SYNE2: variants seen among roughly 807,000 people sequenced by gnomAD.
The protein encoded by SYNE2 is nesprin-2.
A neutral mutation model predicts 856.3 loss-of-function variants in SYNE2; 431 were observed. The ratio of observed to expected loss-of-function variants is 0.50; its 90% CI spans 0.47 to 0.55. The LOEUF (loss-of-function observed/expected upper bound fraction) is 0.55. Ranked by LOEUF, SYNE2 falls within the 20% of genes least tolerant of loss-of-function variation. SYNE2 has a pLI of 0.00. For synonymous variants in SYNE2, 2,923 were observed against 2,872.3 expected (o/e 1.02, Z -0.56); for missense variants, 8,129 against 8,023.2 (o/e 1.01, Z -0.50).
At chr14:64,043,850 C>T (rs1002044893) in intron 45 of SYNE2, among the ~76,000 whole-genome samples, 21 of 152,360 alleles carry the variant, frequency 1.4e-4, no homozygotes, top group Admixed American at 1.4e-3. Flanking sequence ...AGAGCCCCCA[C>T]ACAGAGTGCC....
intron 96 of SYNE2, among the ~76,000 whole-genome samples, chr14:64,178,379 T>A (rs976127276): frequency 5.9e-5 from 9 of 152,250 alleles, no homozygotes; most frequent in African/African-American, 2.2e-4. Flanking sequence ...GAGGTGTCAG[T>A]AACCCTGGAT....
chr14:63,790,035 A>C (rs915378929), intron 1 of SYNE2, among the ~76,000 whole-genome samples: 1 of 152,186 alleles, frequency 6.6e-6, no homozygotes, highest in Non-Finnish European at 1.5e-5. Context: ...GCTCAAGAGG[A>C]AGTTTAAGTC....
At chr14:63,947,667 C>G (rs2096057750) in intron 6 of SYNE2, among the ~76,000 whole-genome samples, 1 of 152,090 alleles carries the variant, frequency 6.6e-6, no homozygotes, top group Non-Finnish European at 1.5e-5. Context: ...GAAACCCCGT[C>G]TCCACTAAAA....
intron 2 of SYNE2, among the ~76,000 whole-genome samples, chr14:63,934,010 G>A (rs745407044): frequency 1.3e-5 from 2 of 152,170 alleles, no homozygotes; most frequent in Non-Finnish European, 2.9e-5. Flanking sequence ...AAATGGAATG[G>A]CACATATGAA....
intron 1 of SYNE2, among the ~76,000 whole-genome samples, chr14:63,801,456 G>A (rs989600760): frequency 6.6e-6 from 1 of 152,198 alleles, no homozygotes; most frequent in Non-Finnish European, 1.5e-5. Flanking sequence ...CAGATCACCT[G>A]AGGTCGGGAG....
intron 78 of SYNE2, 60 bp from the exon 79 acceptor site, chr14:64,137,727 G>A: frequency 6.4e-7 from 1 of 1,571,372 alleles, no homozygotes; most frequent in Non-Finnish European, 8.7e-7. Context: ...CAGTATTTGT[G>A]AATAGCTTGG....
In SYNE2 at chr14:64,223,261, A is replaced by G; in HGVS notation, c.20263A>G (p.Ile6755Val). 8 of 1,614,188 alleles carry G rather than the reference A, an allele frequency of 5.0e-6. No homozygotes were observed. Among genetic ancestry groups the G allele is most frequent in the Non-Finnish European group, 5.9e-6 (7 of 1,180,022 alleles). The stretch of plus-strand genomic sequence containing the variant: ...ACAGGAGATTTCAAACAGCCTTCTC[A>G]TTAAGGGACATGGAGAAGACTGTAT... ...MLQEISNSLL[I>V]KGHGEDCIEA... Residue 6755 changes from isoleucine to valine, a missense_variant, in exon 113 of 116, where the codon ATT becomes GTT. This residue lies in a region of SYNE2 where 5,410 missense variants were observed against 5,284.8 expected (regional missense o/e 1.02). Transcript: ENST00000555002.
intron 1 of SYNE2, among the ~76,000 whole-genome samples, chr14:63,866,964 A>G (rs928421019): frequency 2.6e-5 from 4 of 152,008 alleles, no homozygotes; most frequent in Admixed American, 1.3e-4. Flanking sequence ...TCCAACAAAA[A>G]AAGAAAAAAT....
chr14:64,131,073 G>A (rs182471931), intron 76 of SYNE2, among the ~76,000 whole-genome samples: 3 of 152,048 alleles, frequency 2.0e-5, no homozygotes, highest in Admixed American at 6.5e-5. Flanking sequence ...TGTGTAGGAC[G>A]GTTCCTACCT....
chr14:63,948,796 A>ATATGTATATGTGTGTGTGTGTG (rs1566884838), intron 6 of SYNE2, among the ~76,000 whole-genome samples: 1 of 83,660 alleles, frequency 1.2e-5, no homozygotes, highest in African/African-American at 6.5e-5. Flanking sequence ...ATATATATAT[A>ATATGTATATGTGTGTGTGTGTG]TATATATATA....
chr14:63,776,571 A>G (rs1230705891), intron 1 of SYNE2, among the ~76,000 whole-genome samples: 3 of 151,682 alleles, frequency 2.0e-5, no homozygotes, highest in Non-Finnish European at 2.9e-5. Flanking sequence ...AGATCACCCA[A>G]GACTGGGAAT....
chr14:64,014,703 G>A (rs747830048), intron 32 of SYNE2, among the ~76,000 whole-genome samples: 9 of 151,996 alleles, frequency 5.9e-5, no homozygotes, highest in South Asian at 2.1e-4. Context: ...GATTACAGGC[G>A]TGAGCCACCA....
intron 45 of SYNE2, among the ~76,000 whole-genome samples, chr14:64,033,212 G>A (rs1167439340): frequency 6.6e-6 from 1 of 152,130 alleles, no homozygotes; most frequent in Non-Finnish European, 1.5e-5. Flanking sequence ...ATAACTCAGT[G>A]CTTTCTATGA....
chr14:64,114,025 CTAT>C (rs2097834519), intron 66 of SYNE2, among the ~76,000 whole-genome samples: 1 of 152,080 alleles, frequency 6.6e-6, no homozygotes. Context: ...TCAGTAAATG[CTAT>C]TATTTTATTC....
At chr14:64,138,937 T>TGC (rs2098118067) in intron 79 of SYNE2, among the ~76,000 whole-genome samples, 1 of 143,606 alleles carries the variant, frequency 7.0e-6, no homozygotes, top group East Asian at 2.1e-4. Context: ...TGTGTGTGTG[T>TGC]GTATGTATGG....
intron 49 of SYNE2, among the ~76,000 whole-genome samples, chr14:64,060,240 T>C (rs1413076555): frequency 6.6e-6 from 1 of 152,164 alleles, no homozygotes; most frequent in Non-Finnish European, 1.5e-5. Context: ...CCACCACAGC[T>C]GTGAATGTGC....
chr14:63,827,627 A>AG, intron 1 of SYNE2, among the ~76,000 whole-genome samples: 1 of 99,206 alleles, frequency 1.0e-5, no homozygotes, highest in Admixed American at 1.1e-4. Flanking sequence ...CTCTGTCTCA[A>AG]AAAAAAAAAA....
At chr14:64,046,904 T>C (rs1021027090) in intron 45 of SYNE2, among the ~76,000 whole-genome samples, 1 of 152,220 alleles carries the variant, frequency 6.6e-6, no homozygotes, top group Non-Finnish European at 1.5e-5. Flanking sequence ...CTTGTGATCC[T>C]GAAGCCCTAG....
At chr14:63,878,449 A>G (rs2094778891) in intron 1 of SYNE2, among the ~76,000 whole-genome samples, 1 of 152,246 alleles carries the variant, frequency 6.6e-6, no homozygotes, top group Non-Finnish European at 1.5e-5. Flanking sequence ...GGGCCACACA[A>G]GAATCAAGAC....
Sources: allele counts gnomAD v4.1 joint callset (sites outside exome capture counted in the v4.1 genomes callset), GRCh38; gene constraint gnomAD v4.1.1; regional missense constraint gnomAD v4.1.1; transcripts MANE v1.5; gene names NCBI Gene and HGNC (gene_info 2026-07-23, HGNC 2026-07-21).